Variants in AHCYL2 observed in about 807,000 individuals in gnomAD.
AHCYL2 encodes the protein adenosylhomocysteinase like 2.
A neutral mutation model predicts 81.4 loss-of-function variants in AHCYL2; 28 were observed. That is an observed-to-expected ratio of 0.34 (90% CI 0.25 to 0.47). The LOEUF (loss-of-function observed/expected upper bound fraction) is 0.47. Among genes scored for constraint, AHCYL2 ranks in the 20% least tolerant of loss-of-function variants. AHCYL2 has a pLI of 1.00. For synonymous variants in AHCYL2, 272 were observed against 290.2 expected (o/e 0.94, Z 0.64); for missense variants, 551 against 785.1 (o/e 0.70, Z 3.56).
intron 11 of AHCYL2, among the ~76,000 whole-genome samples, chr7:129,412,935 C>A (rs1563245015): frequency 6.6e-6 from 1 of 151,894 alleles, no homozygotes; most frequent in Non-Finnish European, 1.5e-5. Flanking sequence ...ACCTATGGGG[C>A]TCAATCAATC....
intron 1 of AHCYL2, among the ~76,000 whole-genome samples, chr7:129,293,725 ATTAAT>A (rs1563184347): frequency 6.6e-6 from 1 of 152,218 alleles, no homozygotes; most frequent in Non-Finnish European, 1.5e-5. Context: ...AATTGCAACA[ATTAAT>A]TTAAGTTCTT....
At chr7:129,277,089 A>G (rs1163766002) in intron 1 of AHCYL2, among the ~76,000 whole-genome samples, 1 of 152,182 alleles carries the variant, frequency 6.6e-6, no homozygotes, top group Non-Finnish European at 1.5e-5. Flanking sequence ...AATAAGTAAA[A>G]TACTACCTAA....
intron 1 of AHCYL2, among the ~76,000 whole-genome samples, chr7:129,302,089 A>C (rs984489306): frequency 3.3e-5 from 5 of 152,078 alleles, no homozygotes; most frequent in Admixed American, 2.6e-4. Context: ...CATTGTAGAT[A>C]TATTTCACTT....
At chr7:129,346,214 C>A (rs1002809958) in intron 1 of AHCYL2, among the ~76,000 whole-genome samples, 2 of 152,026 alleles carry the variant, frequency 1.3e-5, no homozygotes, top group African/African-American at 4.8e-5. Flanking sequence ...CTAGGAAATA[C>A]AACATGGAAT....
At position 129,389,069 on chromosome 7, in the gene AHCYL2, A is replaced by G. The variant is rs1355715347; in HGVS notation, c.489A>G (p.Thr163=). ...CTGTCATTCCAGCGGCTTCATATAC[A>G]GATAGCTCTGATGATGAGACATCGC... is the stretch of plus-strand genomic sequence containing the variant. The part of the protein sequence containing the change: ...TDSYSSAASY[T]DSSDDETSPR... The change falls in exon 3 of 17, where the codon ACA becomes ACG. Residue 163 remains threonine, a synonymous_variant. Transcript: ENST00000325006. 4 of 1,613,044 alleles carry G rather than the reference A, an allele frequency of 2.5e-6. No individual in the cohort carries two copies. In the Admixed American group the frequency reaches 6.7e-5, roughly 27 times the overall value.
intron 1 of AHCYL2, among the ~76,000 whole-genome samples, chr7:129,290,515 A>AG: frequency 6.6e-6 from 1 of 151,646 alleles, no homozygotes; most frequent in Non-Finnish European, 1.5e-5. Flanking sequence ...AAAAAAAAAA[A>AG]AAGTTTTGGA....
chr7:129,228,742 C>G (rs1215478693), intron 1 of AHCYL2, among the ~76,000 whole-genome samples: 1 of 152,244 alleles, frequency 6.6e-6, no homozygotes, highest in East Asian at 1.9e-4. Context: ...AGAACCTCAA[C>G]TAGATTGTGC....
chr7:129,236,552 G>A (rs1248550059), intron 1 of AHCYL2, among the ~76,000 whole-genome samples: 1 of 151,654 alleles, frequency 6.6e-6, no homozygotes, highest in Non-Finnish European at 1.5e-5. Flanking sequence ...TGTTGCCCAT[G>A]TGGGTCTCAA....
intron 12 of AHCYL2, 64 bp downstream of exon 12, chr7:129,413,752 A>T: frequency 7.3e-7 from 1 of 1,369,502 alleles, no homozygotes. Flanking sequence ...AAACTGGAAA[A>T]TGAGAGAGCA....
At chr7:129,242,446 A>G (rs961625193) in intron 1 of AHCYL2, among the ~76,000 whole-genome samples, 3 of 151,960 alleles carry the variant, frequency 2.0e-5, no homozygotes, top group African/African-American at 2.4e-5. Context: ...GGCCGGGTGC[A>G]GTGGCTCACG....
chr7:129,227,608 C>CA (rs57256611), intron 1 of AHCYL2, among the ~76,000 whole-genome samples: 637 of 80,366 alleles, frequency 7.9e-3, no homozygotes, highest in Non-Finnish European at 0.01. Context: ...GACCTTGTCT[C>CA]AAAAAAAAAA....
chr7:129,335,117 C>T (rs946449301), intron 1 of AHCYL2, among the ~76,000 whole-genome samples: 7 of 152,178 alleles, frequency 4.6e-5, no homozygotes, highest in African/African-American at 1.2e-4. Context: ...CATGGTGGCT[C>T]ATGCCTGTAA....
intron 1 of AHCYL2, among the ~76,000 whole-genome samples, chr7:129,247,356 T>C (rs908580079): frequency 1.3e-5 from 2 of 152,262 alleles, no homozygotes; most frequent in African/African-American, 4.8e-5. Flanking sequence ...TAGCTATTTG[T>C]ATATCTTTTT....
rs1797435230 is a variant in AHCYL2, at chr7:129,428,110, G to A, written c.*1065G>A. 6.6e-6 allele frequency: 1 copy of A among 152,318 alleles called. No homozygotes were observed. The highest frequency in any genetic ancestry group is 2.1e-4 in the South Asian group (1 of 4,832). The allele number at this position is 152,318 out of a possible 1,614,324, so 9.4% of individuals were successfully genotyped here. A position where few individuals can be genotyped will look rare whatever the true frequency, so the allele number is the denominator to read the frequency against. Reference sequence around the variant, plus strand: ...CAGGAAGGCCATTGCAGTTTGACTGGCTGAGGGATACAGAGATGAAATTGT... The same window carrying A: ...CAGGAAGGCCATTGCAGTTTGACTGACTGAGGGATACAGAGATGAAATTGT... On this transcript the variant is annotated 3_prime_UTR_variant, in exon 17 of 17. Transcript: ENST00000325006.
Position 129,403,434 on chromosome 7 carries a change from T to G in AHCYL2, c.974T>G (p.Met325Arg). ...TGGATTTATAAAAAGTATCCCAACATGTTTAAGAAAATCAAGGGCATAGTA... is the reference window on the plus strand; with the variant it reads ...TGGATTTATAAAAAGTATCCCAACAGGTTTAAGAAAATCAAGGGCATAGTA... The part of the protein sequence containing the change: ...THWIYKKYPN[M>R]FKKIKGIVEE... The change falls in exon 7 of 17, where the codon ATG becomes AGG. Residue 325 changes from methionine (M) to arginine (R), a missense_variant. Transcript: ENST00000325006. The G allele has an allele frequency of 1.2e-6, 2 of 1,612,040 alleles. No homozygotes were observed. The highest frequency in any genetic ancestry group is 8.5e-7 in the Non-Finnish European group (1 of 1,178,986).
At chr7:129,360,053 C>A (rs1362339648) in intron 1 of AHCYL2, among the ~76,000 whole-genome samples, 1 of 151,572 alleles carries the variant, frequency 6.6e-6, no homozygotes, top group Non-Finnish European at 1.5e-5. Flanking sequence ...TCTTCAGCTA[C>A]CTGTTCTATA....
intron 1 of AHCYL2, among the ~76,000 whole-genome samples, chr7:129,253,960 G>A (rs763431242): frequency 1.3e-5 from 2 of 152,064 alleles, no homozygotes; most frequent in African/African-American, 2.4e-5. Flanking sequence ...CAAACACAAG[G>A]TAAAAAGCTG....
Position 129,426,479 on chromosome 7 carries a change from A to G in AHCYL2, c.1745A>G (p.Asp582Gly). Residue 582 changes from aspartate to glycine, a missense_variant, in exon 16 of 17, where the codon GAT becomes GGT. Around this residue, in one of 2 missense-constraint regions of AHCYL2, gnomAD observed 316 missense variants for 543.1 expected, o/e 0.58. Transcript: ENST00000325006. The surrounding 1 kb of genome is among the most constrained non-coding windows in gnomAD (Gnocchi z 4.3). ...GCCAGCCTACACCTGCCTACCTTTG[A>G]TGCCCACTTGACAGAGCTGACAGAT... is the stretch of plus-strand genomic sequence containing the variant. ...YVASLHLPTF[D>G]AHLTELTDEQ... The G allele has an allele frequency of 3.1e-6, 5 of 1,614,104 alleles. No homozygotes were observed. The highest frequency in any genetic ancestry group is 4.2e-6 in the Non-Finnish European group (5 of 1,179,984).
chr7:129,294,170 C>T (rs1225255489), intron 1 of AHCYL2, among the ~76,000 whole-genome samples: 1 of 152,056 alleles, frequency 6.6e-6, no homozygotes. Context: ...CTTTGTGTAC[C>T]TATGATGAAT....
Sources: allele counts gnomAD v4.1 joint callset (sites outside exome capture counted in the v4.1 genomes callset), GRCh38; gene constraint gnomAD v4.1.1; regional missense constraint gnomAD v4.1.1; non-coding constraint Gnocchi (gnomAD v3.1); transcripts MANE v1.5; gene names NCBI Gene and HGNC (gene_info 2026-07-23, HGNC 2026-07-21).